The following PDLIM2 variants were observed in gnomAD, a reference collection of about 807,000 sequenced individuals.
PDLIM2 encodes PDZ and LIM domain protein 2.
PDLIM2 carries 51 observed loss-of-function variants against 54.1 expected under a neutral mutation model. The observed-to-expected ratio is 0.94, with a 90% CI of 0.75 to 1.19. The LOEUF (loss-of-function observed/expected upper bound fraction) is 1.19. Ranked by LOEUF, PDLIM2 falls within the 50% of genes most tolerant of loss-of-function variation. PDLIM2 has a pLI of 0.00. For missense variants in PDLIM2, 912 were observed against 874.0 expected, an observed-to-expected ratio of 1.04 and a Z score of -0.55; for synonymous variants, 398 against 385.6, an observed-to-expected ratio of 1.03 and a Z score of -0.38.
chr8:22,584,722 C>A, intron 3 of PDLIM2, 99 bp from the exon 3 acceptor site: 4 of 1,118,348 alleles, frequency 3.6e-6, no homozygotes, highest in Middle Eastern at 2.0e-4. Context: ...GTAGCTTTTA[C>A]TGGTGTTGAG....
At chr8:22,582,660 C>T (rs986979785) in intron 3 of PDLIM2, among the ~76,000 whole-genome samples, 3 of 150,400 alleles carry the variant, frequency 2.0e-5, no homozygotes, top group Non-Finnish European at 4.4e-5. Context: ...CGGCTCACTG[C>T]CACCTCTGCC....
chr8:22,582,822 C>T (rs1252301869), intron 3 of PDLIM2, among the ~76,000 whole-genome samples: 1 of 151,850 alleles, frequency 6.6e-6, no homozygotes, highest in Non-Finnish European at 1.5e-5. Context: ...CCTCGTGATC[C>T]ACTTGCCTCA....
At chr8:22,582,729 G>A (rs925346121) in intron 3 of PDLIM2, among the ~76,000 whole-genome samples, 72 of 151,740 alleles carry the variant, frequency 4.7e-4, no homozygotes, top group Non-Finnish European at 5.2e-4. Context: ...CTACAGGCGC[G>A]TGCCACCACG....
chr8:22,581,217 G>A, intron 2 of PDLIM2, 162 bp from the exon 2 acceptor site: 2 of 889,342 alleles, frequency 2.2e-6, no homozygotes, highest in South Asian at 3.3e-5. Flanking sequence ...CTCCTGGAGG[G>A]GATGGCTGAT....
At position 22,579,092 on chromosome 8, in the gene PDLIM2, GC is replaced by G; in HGVS notation, c.314del (p.Ala105GlyfsTer149). On this transcript the variant is annotated frameshift_variant, in exon 1 of 10. Coordinates refer to ENST00000308354, the Ensembl canonical transcript of PDLIM2. LOFTEE classifies it high-confidence loss of function. The stretch of plus-strand genomic sequence containing the variant: ...CAGGGGCGGCCCCGGGATCACATGG[GC>G]GGAGGCAGGTCCGGGAGCCCCGGGC... 7.9e-7 allele frequency: 1 copy of G among 1,266,464 alleles called. No individual in the cohort carries two copies. Among genetic ancestry groups the G allele is most frequent in the Non-Finnish European group, 9.9e-7 (1 of 1,009,296 alleles). 78.5% of individuals were successfully genotyped at this position (1,266,464 alleles called of 1,614,324 possible).
intron 3 of PDLIM2, among the ~76,000 whole-genome samples, chr8:22,584,454 A>T (rs1210399264): frequency 6.6e-6 from 1 of 151,968 alleles, no homozygotes; most frequent in Non-Finnish European, 1.5e-5. Flanking sequence ...GACTACCGGC[A>T]TGCACCACCA....
In PDLIM2 at chr8:22,589,573, C is replaced by T. The variant is rs980197430; in HGVS notation, c.1368-23C>T. The T allele has an allele frequency of 2.5e-6, 4 of 1,596,180 alleles. No individual in the cohort carries two copies. In the African/African-American group the frequency reaches 4.0e-5, roughly 16 times the overall value. ...TAAGCTCCGGCACGGGACCCTCATT[C>T]CTGGCTGCCTCCCACCCTGCAGCAT... is the stretch of plus-strand genomic sequence containing the variant. On this transcript the variant is annotated intron_variant, in intron 7 of 9. Coordinates refer to ENST00000308354, the Ensembl canonical transcript of PDLIM2.
At chr8:22,585,385 C>T in exon 6 of PDLIM2, 1 of 1,610,670 alleles carries the variant, frequency 6.2e-7, no homozygotes, top group East Asian at 2.2e-5. Flanking sequence ...CTCAGGCCGC[C>T]CTGGAAGCCG....
At chr8:22,585,194 G>A (rs1412133957) in intron 5 of PDLIM2, 32 bp downstream of exon 4, 6 of 1,608,930 alleles carry the variant, frequency 3.7e-6, no homozygotes, top group Non-Finnish European at 5.1e-6. Context: ...TACCCTGGTC[G>A]CCTGCGCTGC....
chr8:22,582,085 G>A (rs957132430), intron 3 of PDLIM2, among the ~76,000 whole-genome samples: 1 of 152,230 alleles, frequency 6.6e-6, no homozygotes, highest in African/African-American at 2.4e-5. Context: ...GGCCAGGGTG[G>A]GGCCTGGAGG....
At chr8:22,579,671 C>A in intron 1 of PDLIM2, 1 of 1,027,414 alleles carries the variant, frequency 9.7e-7, no homozygotes, top group Non-Finnish European at 1.3e-6. Context: ...TAGATTCTCG[C>A]AGCACTTGCG....
chr8:22,583,221 G>A (rs900081284), intron 3 of PDLIM2, among the ~76,000 whole-genome samples: 6 of 152,096 alleles, frequency 3.9e-5, no homozygotes, highest in African/African-American at 1.4e-4. Context: ...CTGGGAGGGC[G>A]TGCCCCTCTC....
exon 3 of PDLIM2, chr8:22,581,467 T>C: frequency 6.2e-7 from 1 of 1,606,876 alleles, no homozygotes; most frequent in East Asian, 2.2e-5. Flanking sequence ...GAGGGCATGC[T>C]GCATGCCGAG....
exon 9 of PDLIM2, chr8:22,591,616 C>T (rs1171501708): frequency 2.5e-6 from 4 of 1,613,352 alleles, no homozygotes; most frequent in African/African-American, 1.3e-5. Flanking sequence ...CTCCAGGGCC[C>T]TGGCCACCCC....
chr8:22,580,219 G>T (rs187003867), intron 1 of PDLIM2: 2 of 328,600 alleles, frequency 6.1e-6, no homozygotes, highest in Admixed American at 4.5e-5. Flanking sequence ...CAGGAAGCAA[G>T]CGCTAGTGGG....
rs370441913 is a variant in PDLIM2, at chr8:22,585,082, C to T, written c.1131C>T (p.Ser377=). The change falls in exon 5 of 10, where the codon TCC becomes TCT. Residue 377 remains serine, a synonymous_variant. Coordinates refer to ENST00000308354, the Ensembl canonical transcript of PDLIM2. ...GGTCCTCCTACTCCAGCCCAACCTC[C>T]CTCAGCCCGAGGGCCGGCAGCCCCT... 2.0e-5 allele frequency: 33 copies of T among 1,614,034 alleles called. No homozygotes were observed. In the Middle Eastern group the frequency reaches 6.6e-4, roughly 32 times the overall value.
intron 6 of PDLIM2, chr8:22,588,587 AG>A: frequency 6.6e-6 from 1 of 152,452 alleles, no homozygotes; most frequent in East Asian, 1.9e-4. Flanking sequence ...AACAACTGTG[AG>A]GTTGAAGGCG....
At chr8:22,590,710 G>C (rs1800518006) in intron 8 of PDLIM2, 2 of 152,326 alleles carry the variant, frequency 1.3e-5, no homozygotes, top group Non-Finnish European at 2.9e-5. Context: ...GGCCCGCCTG[G>C]CTGTCTCCAA....
chr8:22,580,665 A>G (rs746587659), exon 2 of PDLIM2: 17 of 1,614,078 alleles, frequency 1.1e-5, no homozygotes, highest in Non-Finnish European at 1.4e-5. Flanking sequence ...CACAGGGGGC[A>G]GGGATTTCCA....
Sources: gnomAD v4.1 joint callset for allele counts (sites outside exome capture counted in the v4.1 genomes callset) on GRCh38, gnomAD v4.1.1 for gene constraint, MANE v1.5 for transcripts, NCBI Gene and HGNC (gene_info 2026-07-23, HGNC 2026-07-21) for gene names.